The following SOBP variants were observed in gnomAD, a reference collection of about 807,000 sequenced individuals.
The protein encoded by SOBP is sine oculis binding protein homolog.
SOBP carries 4 observed loss-of-function variants against 53.6 expected under a neutral mutation model. The ratio of observed to expected loss-of-function variants is 0.07; its 90% CI spans 0.04 to 0.17. The LOEUF (loss-of-function observed/expected upper bound fraction) is 0.17, where lower values mean the gene tolerates loss of function less well. SOBP is among the 10% of genes least tolerant of loss of function. The pLI, the probability that SOBP is intolerant of heterozygous loss-of-function variation, is 1.00. For synonymous variants in SOBP, 584 were observed against 522.6 expected (o/e 1.12, Z -1.60); for missense variants, 1,088 against 1,204.7 (o/e 0.90, Z 1.43).
intron 5 of SOBP, among the ~76,000 whole-genome samples, chr6:107,616,730 G>T (rs1258005295): frequency 6.6e-6 from 1 of 152,214 alleles, no homozygotes; most frequent in African/African-American, 2.4e-5. Flanking sequence ...ATTCGGGTCT[G>T]ATGATTACTT....
chr6:107,522,624 C>T (rs1274578356), intron 3 of SOBP, among the ~76,000 whole-genome samples: 1 of 147,380 alleles, frequency 6.8e-6, no homozygotes, highest in African/African-American at 2.5e-5. Context: ...TTACCGCAGC[C>T]TTGACCTCCC....
intron 4 of SOBP, among the ~76,000 whole-genome samples, chr6:107,548,607 C>A (rs1266909272): frequency 1.3e-5 from 2 of 152,190 alleles, no homozygotes; most frequent in East Asian, 3.9e-4. Flanking sequence ...AGAATATTGA[C>A]CTCCCAAATT....
At chr6:107,558,916 C>T (rs975608779) in intron 4 of SOBP, among the ~76,000 whole-genome samples, 3 of 151,864 alleles carry the variant, frequency 2.0e-5, no homozygotes, top group Non-Finnish European at 4.4e-5. Flanking sequence ...TATAATACTA[C>T]TAGATATTGT....
chr6:107,649,216 G>A (rs1281384040), intron 6 of SOBP, among the ~76,000 whole-genome samples: 1 of 138,710 alleles, frequency 7.2e-6, no homozygotes, highest in African/African-American at 2.7e-5. Flanking sequence ...GCTCATGCCT[G>A]TAATCCCAGC....
At chr6:107,578,054 A>G (rs959175467) in intron 4 of SOBP, among the ~76,000 whole-genome samples, 1 of 145,230 alleles carries the variant, frequency 6.9e-6, no homozygotes, top group South Asian at 2.2e-4. Flanking sequence ...AGCCTGGGCT[A>G]CAGAGCAAGA....
chr6:107,627,341 C>A (rs1201759121), intron 5 of SOBP, among the ~76,000 whole-genome samples: 1 of 152,142 alleles, frequency 6.6e-6, no homozygotes. Context: ...TGTTAAAGCT[C>A]ATTGAGATCC....
Position 107,560,813 on chromosome 6 carries a change from C to T in SOBP, c.574-26267C>T, listed in dbSNP as rs547351374. On this transcript the variant is annotated intron_variant, in intron 4 of 6. Transcript: ENST00000317357. ...AGGTGGGTATACATGGCCATGTTCACGGCCTCTGTTGGGTTCTGCTTCTCA... is the reference window on the plus strand; with the variant it reads ...AGGTGGGTATACATGGCCATGTTCATGGCCTCTGTTGGGTTCTGCTTCTCA... Among the ~76,000 whole-genome samples the T allele has an allele frequency of 5.2e-4, 79 of 152,188 alleles. 2 individuals carry two copies. The highest frequency in any genetic ancestry group is 2.5e-3 in the South Asian group (12 of 4,818).
At chr6:107,561,917 C>A (rs1025609042) in intron 4 of SOBP, among the ~76,000 whole-genome samples, 27 of 152,026 alleles carry the variant, frequency 1.8e-4, no homozygotes, top group African/African-American at 6.0e-4. Context: ...ATTTTTATTT[C>A]TTTCTGTGTC....
chr6:107,554,525 T>C (rs1784552339), intron 4 of SOBP, among the ~76,000 whole-genome samples: 2 of 152,154 alleles, frequency 1.3e-5, no homozygotes, highest in South Asian at 4.1e-4. Context: ...TAAGTGTTCA[T>C]CTCTAATGTG....
intron 1 of SOBP, among the ~76,000 whole-genome samples, chr6:107,502,348 T>C (rs1177884554): frequency 2.0e-5 from 3 of 152,186 alleles, no homozygotes; most frequent in Admixed American, 6.5e-5. Context: ...ATAGTTTTTC[T>C]GGCTCAGCTT....
At chr6:107,506,535 A>G in intron 3 of SOBP, 108 bp downstream of exon 3, 1 of 1,257,054 alleles carries the variant, frequency 8.0e-7, no homozygotes. Flanking sequence ...AGGCTGTTTT[A>G]GGGACCTTAT....
chr6:107,616,228 G>C (rs1054848568), intron 5 of SOBP, among the ~76,000 whole-genome samples: 1 of 152,004 alleles, frequency 6.6e-6, no homozygotes, highest in African/African-American at 2.4e-5. Flanking sequence ...CTCCCATGGG[G>C]AAGGAGACAC....
At chr6:107,611,710 A>G (rs1786606959) in intron 5 of SOBP, among the ~76,000 whole-genome samples, 1 of 152,242 alleles carries the variant, frequency 6.6e-6, no homozygotes, top group South Asian at 2.1e-4. Flanking sequence ...TTTCCGGTCA[A>G]GAAGCTGTGC....
At chr6:107,522,191 A>G (rs1211306264) in intron 3 of SOBP, among the ~76,000 whole-genome samples, 3 of 152,184 alleles carry the variant, frequency 2.0e-5, no homozygotes, top group Non-Finnish European at 4.4e-5. Context: ...GAATCCAGAA[A>G]GCAGACAGGT....
chr6:107,627,598 G>A (rs575341928), intron 5 of SOBP, among the ~76,000 whole-genome samples: 114 of 152,268 alleles, frequency 7.5e-4, no homozygotes, highest in African/African-American at 2.7e-3. Flanking sequence ...GAGAGAGAGA[G>A]AGCTAGAGCA....
At chr6:107,606,070 C>CTTTTTTTT (rs11298151) in intron 5 of SOBP, among the ~76,000 whole-genome samples, 1 of 62,858 alleles carries the variant, frequency 1.6e-5, no homozygotes, top group African/African-American at 5.5e-5. Context: ...AGATAGGCTC[C>CTTTTTTTT]TTTTTTTTTT....
intron 4 of SOBP, among the ~76,000 whole-genome samples, chr6:107,581,645 C>T (rs1003680536): frequency 6.6e-6 from 1 of 152,146 alleles, no homozygotes; most frequent in Admixed American, 6.5e-5. Flanking sequence ...CTCAAGAGAA[C>T]GTGTGGATGC....
intron 5 of SOBP, chr6:107,621,223 C>G (rs1227922579): frequency 2.1e-6 from 1 of 478,396 alleles, no homozygotes; most frequent in African/African-American, 2.1e-5. Flanking sequence ...TGTCTTGGTT[C>G]ACACCATTTA....
At chr6:107,608,182 G>A (rs1303874358) in intron 5 of SOBP, among the ~76,000 whole-genome samples, 1 of 152,182 alleles carries the variant, frequency 6.6e-6, no homozygotes, top group Non-Finnish European at 1.5e-5. Context: ...CCATGGTTTT[G>A]TTCAGAACTG....
Sources: allele counts gnomAD v4.1 joint callset (sites outside exome capture counted in the v4.1 genomes callset), GRCh38; gene constraint gnomAD v4.1.1; transcripts MANE v1.5; gene names NCBI Gene and HGNC (gene_info 2026-07-23, HGNC 2026-07-21).